SUPT20HL2: variants seen among roughly 807,000 people sequenced by gnomAD.
SUPT20HL2 encodes the protein SUPT20H like 2, also known as transcription factor SPT20 homolog-like 2.
For synonymous variants in SUPT20HL2, 125 were observed against 51.6 expected (o/e 2.42, Z -6.10); for missense variants, 288 against 127.4 (o/e 2.26, Z -6.07).
Position 24,309,734 on chromosome X carries a change from TA to T in SUPT20HL2, c.*1127del, listed in dbSNP as rs1429702092. On this transcript the variant is annotated 3_prime_UTR_variant, in exon 1 of 1. Coordinates refer to ENST00000486479, the MANE Select transcript of SUPT20HL2 (RefSeq NM_001136233.3). ...AAAAAAAAGAAAAAAATAATAAAAATAAAAAAAAAAAGAAAAAAAAAAAAAA... is the reference window on the plus strand; with the variant it reads ...AAAAAAAAGAAAAAAATAATAAAAATAAAAAAAAAAGAAAAAAAAAAAAAA... Among the ~76,000 whole-genome samples, 13 of 15,716 alleles carry T rather than the reference TA, an allele frequency of 8.3e-4. No homozygotes were observed. The highest frequency in any genetic ancestry group is 6.9e-4 in the African/African-American group (2 of 2,898). The allele number at this position is 15,716 out of a possible 115,157, so 13.6% of individuals were successfully genotyped here.
rs899700567 is a variant in SUPT20HL2, at chrX:24,308,491, C to A, written c.*2371G>T. Among the ~76,000 whole-genome samples the A allele has an allele frequency of 8.0e-5, 9 of 112,310 alleles. No homozygotes were observed. Among genetic ancestry groups the A allele is most frequent in the African/African-American group, 2.6e-4 (8 of 30,924 alleles). ...CAGGCTGCTCTGATGGACTTGGTGT[C>A]ACTTAGGAAATTCGACGTGTTTGCT... On this transcript the variant is annotated 3_prime_UTR_variant, in exon 1 of 1. Coordinates refer to ENST00000486479, the MANE Select transcript of SUPT20HL2 (RefSeq NM_001136233.3).
rs1393761541 is a variant in SUPT20HL2 at position 24,309,642 on chromosome X, C to A, written c.*1220G>T. ...TGTATACATATGTAACTAACCTGCACAATGTGCACATGTACCCTAAAACTT... is the reference window on the plus strand; with the variant it reads ...TGTATACATATGTAACTAACCTGCAAAATGTGCACATGTACCCTAAAACTT... On this transcript the variant is annotated 3_prime_UTR_variant, in exon 1 of 1. Transcript: ENST00000486479. 1.8e-4 allele frequency among the ~76,000 whole-genome samples: 12 copies of A among 68,190 alleles called. No individual in the cohort carries two copies. The highest frequency in any genetic ancestry group is 2.6e-4 in the Non-Finnish European group (10 of 37,747). The allele number at this position is 68,190 out of a possible 115,157, so 59.2% of individuals were successfully genotyped here.
chrX:24,310,909 A>G lies in SUPT20HL2; in HGVS notation c.2407T>C (p.Leu803=). 2.6e-6 allele frequency: 1 copy of G among 387,079 alleles called. No homozygotes were observed. Among genetic ancestry groups the G allele is most frequent in the South Asian group, 2.3e-5 (1 of 42,738 alleles). The allele number at this position is 387,079 out of a possible 1,213,427, so 31.9% of individuals were successfully genotyped here. ...TTGCCTCCCTTCCTCTGACCTACCA[A>G]CTGGCTCCCTGCTTGCACACCTGGA... is the stretch of plus-strand genomic sequence containing the variant. ...PHPGVQAGSQ[L]VGQRKGGKPT... The change falls in exon 1 of 1, where the codon TTG becomes CTG. Residue 803 remains leucine (L), a synonymous_variant. Transcript: ENST00000486479.
At position 24,309,707 on chromosome X, in the gene SUPT20HL2, A is replaced by T. The variant is rs1209207350; in HGVS notation, c.*1155T>A. Reference sequence around the variant, plus strand: ...AAAAAAAAATTAAAAAAAAAAATTAAAAAAAAAAAGAAAAAAATAATAAAA... The same window carrying T: ...AAAAAAAAATTAAAAAAAAAAATTATAAAAAAAAAGAAAAAAATAATAAAA... On this transcript the variant is annotated 3_prime_UTR_variant, in exon 1 of 1. Coordinates refer to ENST00000486479, the MANE Select transcript of SUPT20HL2 (RefSeq NM_001136233.3). 8.7e-5 allele frequency among the ~76,000 whole-genome samples: 6 copies of T among 69,066 alleles called. No homozygotes were observed. The highest frequency in any genetic ancestry group is 4.9e-4 in the African/African-American group (6 of 12,284). The allele number at this position is 69,066 out of a possible 115,157, so 60.0% of individuals were successfully genotyped here.
rs1247817775 is a variant in SUPT20HL2, at chrX:24,312,742, C to A, written c.574G>T (p.Asp192Tyr). Residue 192 changes from aspartate (D) to tyrosine (Y), a missense_variant, in exon 1 of 1, where the codon GAC becomes TAC. Transcript: ENST00000486479. ...TRDGEKWSQEDKFPLESQLIL... is the reference protein window; with the variant it reads ...TRDGEKWSQEYKFPLESQLIL... ...AGTTGACTCTCAAGAGGAAATTTGT[C>A]TTCCTGGCTCCATTTCTCGCCATCT... is the stretch of plus-strand genomic sequence containing the variant. 2.6e-6 allele frequency: 1 copy of A among 385,193 alleles called. No individual in the cohort carries two copies. The highest frequency in any genetic ancestry group is 2.6e-5 in the African/African-American group (1 of 39,094). The allele number at this position is 385,193 out of a possible 1,213,427, so 31.7% of individuals were successfully genotyped here.
rs1939105085 is a variant in SUPT20HL2 at position 24,309,763 on chromosome X, A to AAAAAAAAAACAAAAAAAAAAAAAAC, written c.*1098_*1099insGTTTTTTTTTTTTTTGTTTTTTTTT. On this transcript the variant is annotated 3_prime_UTR_variant, in exon 1 of 1. Coordinates refer to ENST00000486479, the MANE Select transcript of SUPT20HL2 (RefSeq NM_001136233.3). ...AAAAAAAAGAAAAAAAAAAAAAAAA[A>AAAAAAAAAACAAAAAAAAAAAAAAC]AAAAAACATCCAAAAAGAGCCTTTT... is the stretch of plus-strand genomic sequence containing the variant. 1.1e-5 allele frequency among the ~76,000 whole-genome samples: 1 copy of AAAAAAAAAACAAAAAAAAAAAAAAC among 93,231 alleles called. No homozygotes were observed. Among genetic ancestry groups the AAAAAAAAAACAAAAAAAAAAAAAAC allele is most frequent in the Admixed American group, 1.2e-4 (1 of 8,520 alleles). The allele number at this position is 93,231 out of a possible 115,157, so 81.0% of individuals were successfully genotyped here.
chrX:24,310,135 C>G lies in SUPT20HL2; in HGVS notation c.*727G>C, dbSNP rs1259975433. Among the ~76,000 whole-genome samples, 1 of 111,810 alleles carries G rather than the reference C, an allele frequency of 8.9e-6. No individual in the cohort carries two copies. Among genetic ancestry groups the G allele is most frequent in the Non-Finnish European group, 1.9e-5 (1 of 53,201 alleles). ...TTAAAAAGCAATGACCTTCACATCA[C>G]ATGAGACAGCAGGGATAAATCATGA... On this transcript the variant is annotated 3_prime_UTR_variant, in exon 1 of 1. Coordinates refer to ENST00000486479, the MANE Select transcript of SUPT20HL2 (RefSeq NM_001136233.3).
Position 24,312,284 on chromosome X carries a change from G to T in SUPT20HL2, c.1032C>A (p.Gly344=). 1 of 387,372 alleles carries T rather than the reference G, an allele frequency of 2.6e-6. No individual in the cohort carries two copies. The highest frequency in any genetic ancestry group is 2.3e-5 in the South Asian group (1 of 42,794). 31.9% of individuals were successfully genotyped at this position (387,372 alleles called of 1,213,427 possible). A position where few individuals can be genotyped will look rare whatever the true frequency, so the allele number is the denominator to read the frequency against. ...EDPFRHAWEA[G]CQAWDTKPNI... is the part of the protein sequence containing the mutation. ...TTGGCTTGGTGTCCCAGGCCTGACAGCCAGCTTCCCATGCATGTCTGAAAG... is the reference window on the plus strand; with the variant it reads ...TTGGCTTGGTGTCCCAGGCCTGACATCCAGCTTCCCATGCATGTCTGAAAG... Residue 344 remains glycine, a synonymous_variant, in exon 1 of 1, where the codon GGC becomes GGA. Coordinates refer to ENST00000486479, the MANE Select transcript of SUPT20HL2 (RefSeq NM_001136233.3).
rs1448224867 is a variant in SUPT20HL2, at chrX:24,310,928, A to G, written c.2388T>C (p.Gly796=). 1.0e-5 allele frequency: 4 copies of G among 385,468 alleles called. No individual in the cohort carries two copies. The highest frequency in any genetic ancestry group is 5.1e-5 in the Admixed American group (2 of 39,355). The allele number at this position is 385,468 out of a possible 1,213,427, so 31.8% of individuals were successfully genotyped here. A position where few individuals can be genotyped will look rare whatever the true frequency, so the allele number is the denominator to read the frequency against. ...GAVQIVQPHP[G]VQAGSQLVGQ... is the part of the protein sequence containing the mutation. ...CTACCAACTGGCTCCCTGCTTGCAC[A>G]CCTGGATGTGGCTGCACTATCTGAA... The change falls in exon 1 of 1, where the codon GGT becomes GGC. Residue 796 remains glycine, a synonymous_variant. Coordinates refer to ENST00000486479, the MANE Select transcript of SUPT20HL2 (RefSeq NM_001136233.3).
rs1569195686 is a variant in SUPT20HL2 at position 24,309,725 on chromosome X, T to TAAA, written c.*1136_*1137insTTT. Among the ~76,000 whole-genome samples the TAAA allele has an allele frequency of 5.3e-4, 9 of 16,873 alleles. No individual in the cohort carries two copies. Among genetic ancestry groups the TAAA allele is most frequent in the African/African-American group, 6.1e-4 (2 of 3,280 alleles). 14.7% of individuals were successfully genotyped at this position (16,873 alleles called of 115,157 possible). A position where few individuals can be genotyped will look rare whatever the true frequency, so the allele number is the denominator to read the frequency against. ...AAAATTAAAAAAAAAAAGAAAAAAATAATAAAAATAAAAAAAAAAAGAAAA... is the reference window on the plus strand; with the variant it reads ...AAAATTAAAAAAAAAAAGAAAAAAATAAAAATAAAAATAAAAAAAAAAAGAAAA... On this transcript the variant is annotated 3_prime_UTR_variant, in exon 1 of 1. Coordinates refer to ENST00000486479, the MANE Select transcript of SUPT20HL2 (RefSeq NM_001136233.3).
rs759332204 is a variant in SUPT20HL2, at chrX:24,312,304, T to C, written c.1012A>G (p.Arg338Gly). Residue 338 changes from arginine to glycine, a missense_variant, in exon 1 of 1, where the codon AGA (arginine) becomes GGA (glycine). Transcript: ENST00000486479. Reference protein sequence around the residue: ...WPAQEVEDPFRHAWEAGCQAW... With the variant: ...WPAQEVEDPFGHAWEAGCQAW... ...TGACAGCCAGCTTCCCATGCATGTC[T>C]GAAAGGGTCTTCTACCTCCTGGGCT... 3 of 385,592 alleles carry C rather than the reference T, an allele frequency of 7.8e-6. No individual in the cohort carries two copies. Among genetic ancestry groups the C allele is most frequent in the East Asian group, 7.5e-5 (1 of 13,336 alleles). The allele number at this position is 385,592 out of a possible 1,213,427, so 31.8% of individuals were successfully genotyped here.
chrX:24,311,007 T>A lies in SUPT20HL2; in HGVS notation c.2309A>T (p.Gln770Leu), dbSNP rs1387886230. 2.6e-6 allele frequency: 1 copy of A among 383,070 alleles called. No individual in the cohort carries two copies. Among genetic ancestry groups the A allele is most frequent in the Non-Finnish European group, 5.2e-6 (1 of 191,171 alleles). The allele number at this position is 383,070 out of a possible 1,213,427, so 31.6% of individuals were successfully genotyped here. A position where few individuals can be genotyped will look rare whatever the true frequency, so the allele number is the denominator to read the frequency against. The change falls in exon 1 of 1, where the codon CAG becomes CTG. Residue 770 changes from glutamine (Q) to leucine (L), a missense_variant. Gln to Leu is a moderately radical substitution (Grantham distance 113, BLOSUM62 -2). Coordinates refer to ENST00000486479, the MANE Select transcript of SUPT20HL2 (RefSeq NM_001136233.3). The part of the protein sequence containing the change: ...PQPQPQQIQL[Q>L]TQPLRVLQQP... ...CTGCAGGACTCTCAAAGGCTGTGTC[T>A]GGAGCTGGATCTGCTGTGGCTGTGG...
rs373522684 is a variant in SUPT20HL2, at chrX:24,311,620, C to A, written c.1696G>T (p.Val566Phe). ...RFVKIAPAIQ[V>F]RTGSTGLKAT... ...TTTAGGCCAGTGGAGCCTGTCCGGA[C>A]CTGAATGGCTGGGGCTATTTTTACG... Residue 566 changes from valine to phenylalanine, a missense_variant, in exon 1 of 1, where the codon GTC (valine) becomes TTC (phenylalanine). Val to Phe is a conservative substitution (Grantham distance 50). Transcript: ENST00000486479. 539 of 384,592 alleles carry A rather than the reference C, an allele frequency of 1.4e-3. 3 individuals are homozygous for A. The highest frequency in any genetic ancestry group is 2.1e-3 in the Admixed American group (84 of 39,361). 31.7% of individuals were successfully genotyped at this position (384,592 alleles called of 1,213,427 possible).
At position 24,312,120 on chromosome X, in the gene SUPT20HL2, G is replaced by T. The variant is rs1569196527; in HGVS notation, c.1196C>A (p.Thr399Asn). ...CTGACTCACTGCCCTCCCAGCATCA[G>T]TCTCTGACCCAGGCCTGAGACAAGC... ...HSACLRPGSE[T>N]DAGRAVSQAQ... Residue 399 changes from threonine to asparagine, a missense_variant, in exon 1 of 1, where the codon ACT becomes AAT. Physicochemically the swap from Thr to Asn is moderately conservative, Grantham distance 65 (BLOSUM62 0). Coordinates refer to ENST00000486479, the MANE Select transcript of SUPT20HL2 (RefSeq NM_001136233.3). 1 of 377,096 alleles carries T rather than the reference G, an allele frequency of 2.7e-6. No homozygotes were observed. The highest frequency in any genetic ancestry group is 7.6e-5 in the East Asian group (1 of 13,212). 31.1% of individuals were successfully genotyped at this position (377,096 alleles called of 1,213,427 possible).
In SUPT20HL2 at chrX:24,309,747, A is replaced by AAAAG. The variant is rs1939102919; in HGVS notation, c.*1114_*1115insCTTT. 3.7e-4 allele frequency among the ~76,000 whole-genome samples: 1 copy of AAAAG among 2,702 alleles called. No homozygotes were observed. Among genetic ancestry groups the AAAAG allele is most frequent in the Non-Finnish European group, 7.4e-4 (1 of 1,347 alleles). 2.3% of individuals were successfully genotyped at this position (2,702 alleles called of 115,157 possible). A position where few individuals can be genotyped will look rare whatever the true frequency, so the allele number is the denominator to read the frequency against. Reference sequence around the variant, plus strand: ...AAATAATAAAAATAAAAAAAAAAAGAAAAAAAAAAAAAAAAAAAAAAACAT... The same window carrying AAAAG: ...AAATAATAAAAATAAAAAAAAAAAGAAAAGAAAAAAAAAAAAAAAAAAAAAACAT... On this transcript the variant is annotated 3_prime_UTR_variant, in exon 1 of 1. Coordinates refer to ENST00000486479, the MANE Select transcript of SUPT20HL2 (RefSeq NM_001136233.3).
rs943785131 is a variant in SUPT20HL2, at chrX:24,311,828, A to G, written c.1488T>C (p.Ala496=). The change falls in exon 1 of 1, where the codon GCT becomes GCC. Residue 496 remains alanine, a synonymous_variant. Transcript: ENST00000486479. The part of the protein sequence containing the change: ...GSPLKRPFPA[A]APAVAAAAPA... ...GAGCAGCAGCAGCTACAGCAGGAGCAGCAGCAGGAAATGGACGCTTAAGAG... is the reference window on the plus strand; with the variant it reads ...GAGCAGCAGCAGCTACAGCAGGAGCGGCAGCAGGAAATGGACGCTTAAGAG... 1 of 348,740 alleles carries G rather than the reference A, an allele frequency of 2.9e-6. No homozygotes were observed. The highest frequency in any genetic ancestry group is 5.8e-6 in the Non-Finnish European group (1 of 173,453). 28.7% of individuals were successfully genotyped at this position (348,740 alleles called of 1,213,427 possible).
At position 24,309,755 on chromosome X, in the gene SUPT20HL2, A is replaced by T. The variant is rs1602048039; in HGVS notation, c.*1107T>A. Reference sequence around the variant, plus strand: ...AAAATAAAAAAAAAAAGAAAAAAAAAAAAAAAAAAAAAAACATCCAAAAAG... The same window carrying T: ...AAAATAAAAAAAAAAAGAAAAAAAATAAAAAAAAAAAAAACATCCAAAAAG... On this transcript the variant is annotated 3_prime_UTR_variant, in exon 1 of 1. Transcript: ENST00000486479. Among the ~76,000 whole-genome samples the T allele has an allele frequency of 3.5e-5, 3 of 85,203 alleles. No homozygotes were observed. Among genetic ancestry groups the T allele is most frequent in the Non-Finnish European group, 4.7e-5 (2 of 42,558 alleles). 74.0% of individuals were successfully genotyped at this position (85,203 alleles called of 115,157 possible). A position where few individuals can be genotyped will look rare whatever the true frequency, so the allele number is the denominator to read the frequency against.
rs1569195653 is a variant in SUPT20HL2 at position 24,309,704 on chromosome X, T to TAAAAAAAAAAAAAAAAAAAAAAAA, written c.*1157_*1158insTTTTTTTTTTTTTTTTTTTTTTTT. Among the ~76,000 whole-genome samples the TAAAAAAAAAAAAAAAAAAAAAAAA allele has an allele frequency of 5.4e-5, 1 of 18,355 alleles. No homozygotes were observed. The highest frequency in any genetic ancestry group is 9.0e-5 in the Non-Finnish European group (1 of 11,109). 15.9% of individuals were successfully genotyped at this position (18,355 alleles called of 115,157 possible). ...AAAAAAAAAAAATTAAAAAAAAAAATTAAAAAAAAAAAGAAAAAAATAATA... is the reference window on the plus strand; with the variant it reads ...AAAAAAAAAAAATTAAAAAAAAAAATAAAAAAAAAAAAAAAAAAAAAAAATAAAAAAAAAAAGAAAAAAATAATA... On this transcript the variant is annotated 3_prime_UTR_variant, in exon 1 of 1. Transcript: ENST00000486479.
rs371719036 is a variant in SUPT20HL2, at chrX:24,312,975, T to C, written c.341A>G (p.Asp114Gly). The change falls in exon 1 of 1, where the codon GAC becomes GGC. Residue 114 changes from aspartate to glycine, a missense_variant. Asp to Gly is a moderately conservative substitution (Grantham distance 94). Coordinates refer to ENST00000486479, the MANE Select transcript of SUPT20HL2 (RefSeq NM_001136233.3). ...RLPYEERALL[D>G]YLDAEELPPA... ...GGGTAATTCTTCTGCATCCAAGTAG[T>C]CCAGCAATGCCCTTTCTTCATAAGG... The C allele has an allele frequency of 2.5e-4, 93 of 365,186 alleles. No individual in the cohort carries two copies. The highest frequency in any genetic ancestry group is 2.4e-3 in the African/African-American group (86 of 35,509). 30.1% of individuals were successfully genotyped at this position (365,186 alleles called of 1,213,427 possible).
Sources: allele counts gnomAD v4.1 joint callset (sites outside exome capture counted in the v4.1 genomes callset), GRCh38; gene constraint gnomAD v4.1.1; transcripts MANE v1.5; gene names NCBI Gene and HGNC (gene_info 2026-07-23, HGNC 2026-07-21).